Variants in FMN1 observed in about 807,000 individuals in gnomAD.
The protein encoded by FMN1 is formin 1.
Under a neutral mutation model 132.4 loss-of-function variants are expected in FMN1, and 110 were observed. That is an observed-to-expected ratio of 0.83 (90% CI 0.71 to 0.97). The LOEUF is 0.97. Among genes scored for constraint, FMN1 ranks in the 50% least tolerant of loss-of-function variants. The probability of loss-of-function intolerance (pLI) is 0.00; values close to 1 mark genes in which losing one functional copy is unlikely to be tolerated. For missense variants in FMN1, 1,792 were observed against 1,705.3 expected (o/e 1.05, Z -0.90); for synonymous variants, 722 against 651.7 (o/e 1.11, Z -1.64).
intron 6 of FMN1, among the ~76,000 whole-genome samples, chr15:33,020,855 A>T (rs2035381039): frequency 6.6e-6 from 1 of 152,216 alleles, no homozygotes; most frequent in Non-Finnish European, 1.5e-5. Flanking sequence ...GTGTTTTCTT[A>T]AAAGACTTTA....
intron 15 of FMN1, among the ~76,000 whole-genome samples, chr15:32,895,476 T>C (rs1404017709): frequency 3.9e-5 from 6 of 152,246 alleles, no homozygotes; most frequent in South Asian, 4.1e-4. Context: ...GACAAGCACA[T>C]GGCATCTTTA....
In FMN1 at chr15:32,815,029, G is replaced by A. The variant is rs191935884; in HGVS notation, c.3929-10697C>T. On this transcript the variant is annotated intron_variant, in intron 17 of 20. Transcript: ENST00000616417. ...GCGATCTCGGCTCACTGCAAGCTCC[G>A]CCTCCCGGGTTCATCCCATTCTCCC... Among the ~76,000 whole-genome samples, 19 of 152,006 alleles carry A rather than the reference G, an allele frequency of 1.2e-4. No homozygotes were observed. In the South Asian group the frequency reaches 1.5e-3, roughly 12 times the overall value.
intron 16 of FMN1, among the ~76,000 whole-genome samples, chr15:32,870,656 C>T (rs891465560): frequency 3.9e-5 from 6 of 152,306 alleles, no homozygotes; most frequent in Admixed American, 1.3e-4. Context: ...TATGTGGTTA[C>T]GGACGCAGCC....
chr15:33,114,513 G>A (rs980340608), intron 4 of FMN1, among the ~76,000 whole-genome samples: 1 of 152,234 alleles, frequency 6.6e-6, no homozygotes, highest in Non-Finnish European at 1.5e-5. Context: ...TCAGAAACAA[G>A]TCATTGTCGA....
intron 3 of FMN1, among the ~76,000 whole-genome samples, chr15:33,175,317 C>A (rs1231495696): frequency 1.3e-5 from 2 of 152,142 alleles, no homozygotes; most frequent in Admixed American, 1.3e-4. Context: ...GACCCGCCTG[C>A]CTTGGCCTCC....
At chr15:32,980,084 T>C (rs535742745) in intron 7 of FMN1, among the ~76,000 whole-genome samples, 1 of 152,326 alleles carries the variant, frequency 6.6e-6, no homozygotes, top group East Asian at 1.9e-4. Context: ...CTTGTCTTTC[T>C]TTATGATTTG....
intron 4 of FMN1, among the ~76,000 whole-genome samples, chr15:33,127,411 G>A (rs1030082086): frequency 6.6e-6 from 1 of 152,114 alleles, no homozygotes; most frequent in Non-Finnish European, 1.5e-5. Context: ...GGATGGACCA[G>A]AACAACTATT....
intron 2 of FMN1, among the ~76,000 whole-genome samples, chr15:33,189,793 G>A (rs1966011353): frequency 6.6e-6 from 1 of 152,178 alleles, no homozygotes; most frequent in South Asian, 2.1e-4. Context: ...TAAGTCTTCT[G>A]TATTAAGCCA....
At chr15:32,838,885 T>G (rs1365848905) in intron 17 of FMN1, among the ~76,000 whole-genome samples, 1 of 152,154 alleles carries the variant, frequency 6.6e-6, no homozygotes, top group African/African-American at 2.4e-5. Flanking sequence ...AGCCCAGCAG[T>G]CCCCATTATC....
intron 9 of FMN1, among the ~76,000 whole-genome samples, chr15:32,960,272 T>C (rs1055224021): frequency 3.9e-5 from 6 of 152,158 alleles, no homozygotes; most frequent in African/African-American, 4.8e-5. Context: ...CAGAAACTTA[T>C]GGAACAACCA....
intron 5 of FMN1, among the ~76,000 whole-genome samples, chr15:33,077,600 T>C (rs1004603412): frequency 6.6e-6 from 1 of 151,120 alleles, no homozygotes; most frequent in African/African-American, 2.4e-5. Context: ...CATCCATGAG[T>C]GGGAACATGC....
intron 17 of FMN1, among the ~76,000 whole-genome samples, chr15:32,805,631 A>C (rs1265577022): frequency 6.6e-6 from 1 of 152,234 alleles, no homozygotes; most frequent in African/African-American, 2.4e-5. Flanking sequence ...GATACTTTTG[A>C]GAGTAATGTT....
intron 5 of FMN1, among the ~76,000 whole-genome samples, chr15:33,079,622 C>CA (rs1004995083): frequency 6.6e-6 from 1 of 152,032 alleles, no homozygotes; most frequent in Non-Finnish European, 1.5e-5. Flanking sequence ...GACTCCGTCT[C>CA]AAAAAAAGAA....
intron 7 of FMN1, among the ~76,000 whole-genome samples, chr15:33,006,352 A>C (rs945773493): frequency 1.3e-5 from 2 of 152,192 alleles, no homozygotes; most frequent in African/African-American, 4.8e-5. Flanking sequence ...ATATCACTTC[A>C]CAACTGTTAG....
chr15:32,782,723 G>GT (rs2056704004), intron 19 of FMN1, among the ~76,000 whole-genome samples: 1 of 152,166 alleles, frequency 6.6e-6, no homozygotes, highest in Non-Finnish European at 1.5e-5. Flanking sequence ...TTGTGGACTT[G>GT]TTTTTGTTTC....
At chr15:32,923,086 A>C (rs1313546318) in intron 10 of FMN1, among the ~76,000 whole-genome samples, 3 of 152,204 alleles carry the variant, frequency 2.0e-5, no homozygotes, top group African/African-American at 7.2e-5. Context: ...AGTATGAGTT[A>C]ATCCCTCTGG....
At chr15:33,008,392 T>G (rs566874992) in intron 6 of FMN1, among the ~76,000 whole-genome samples, 1 of 152,126 alleles carries the variant, frequency 6.6e-6, no homozygotes, top group African/African-American at 2.4e-5. Context: ...GAGTTGGAAA[T>G]TAAGTCCCCA....
intron 16 of FMN1, among the ~76,000 whole-genome samples, chr15:32,867,667 A>G (rs1273505572): frequency 6.6e-6 from 1 of 151,860 alleles, no homozygotes; most frequent in African/African-American, 2.4e-5. Flanking sequence ...AATTTTTTGT[A>G]TTTTTAGTAG....
At chr15:33,129,911 G>C (rs1963463106) in intron 4 of FMN1, among the ~76,000 whole-genome samples, 1 of 150,346 alleles carries the variant, frequency 6.7e-6, no homozygotes, top group Admixed American at 6.7e-5. Context: ...CCCTACCTCA[G>C]CCTCCCAAGT....
Sources: gnomAD v4.1 joint callset for allele counts (sites outside exome capture counted in the v4.1 genomes callset) on GRCh38, gnomAD v4.1.1 for gene constraint, MANE v1.5 for transcripts, NCBI Gene and HGNC (gene_info 2026-07-23, HGNC 2026-07-21) for gene names.